The following FRY variants were observed in gnomAD, a reference collection of about 807,000 sequenced individuals.
FRY encodes the protein protein furry homolog.
FRY carries 128 observed loss-of-function variants against 348.4 expected under a neutral mutation model. The observed-to-expected ratio is 0.37, with a 90% confidence interval of 0.32 to 0.43. The LOEUF is 0.43. Among genes scored for constraint, FRY ranks in the 20% least tolerant of loss-of-function variants. The pLI, the probability that FRY is intolerant of heterozygous loss-of-function variation, is 1.00. For missense variants in FRY, 2,736 were observed against 3,695.2 expected (o/e 0.74, Z 6.73); for synonymous variants, 1,370 against 1,374.7 (o/e 1.00, Z 0.08).
At chr13:32,236,240 C>T in intron 43 of FRY, 68 bp downstream of exon 43, 1 of 1,174,972 alleles carries the variant, frequency 8.5e-7, no homozygotes, top group South Asian at 1.2e-5. Context: ...AGATGCTGGA[C>T]TTTAGGAAAA....
At chr13:32,135,238 C>A (rs1593653267) in intron 10 of FRY, 55 bp downstream of exon 10, 3 of 1,064,804 alleles carry the variant, frequency 2.8e-6, no homozygotes, top group Non-Finnish European at 4.4e-6. Context: ...GACTAAAATT[C>A]CTAGACAGGA....
intron 51 of FRY, among the ~76,000 whole-genome samples, chr13:32,255,433 T>A (rs1015528146): frequency 1.3e-5 from 2 of 152,234 alleles, no homozygotes; most frequent in Non-Finnish European, 2.9e-5. Flanking sequence ...CTATGTCTAA[T>A]TGAAGCCAAA....
At chr13:32,174,986 A>G (rs972318563) in intron 19 of FRY, among the ~76,000 whole-genome samples, 48 of 152,210 alleles carry the variant, frequency 3.2e-4, no homozygotes, top group African/African-American at 1.2e-3. Flanking sequence ...TTATTCACAT[A>G]GAATTTTCAC....
At chr13:32,220,406 C>T (rs980613802) in intron 36 of FRY, among the ~76,000 whole-genome samples, 2 of 152,236 alleles carry the variant, frequency 1.3e-5, no homozygotes, top group South Asian at 2.1e-4. Context: ...AAAACCTTCA[C>T]TAGAGCTGTC....
chr13:32,145,537 T>TTG (rs1555257811), intron 11 of FRY, among the ~76,000 whole-genome samples: 2,606 of 135,708 alleles, frequency 0.019, 108 homozygotes, highest in South Asian at 0.038. Context: ...TTTTTTTTTT[T>TTG]TTTTTTTTTT....
chr13:32,080,099 C>T (rs1355122934), intron 2 of FRY, among the ~76,000 whole-genome samples: 1 of 152,156 alleles, frequency 6.6e-6, no homozygotes, highest in Non-Finnish European at 1.5e-5. Context: ...ACAAACTTTG[C>T]ACATTAAAAT....
chr13:32,100,677 A>G (rs1034927544), intron 2 of FRY, among the ~76,000 whole-genome samples: 5 of 152,210 alleles, frequency 3.3e-5, no homozygotes, highest in African/African-American at 1.2e-4. Context: ...ATCTTAGTCC[A>G]TTCAGGCTGC....
chr13:32,256,053 G>A (rs1887318313), intron 51 of FRY, among the ~76,000 whole-genome samples: 1 of 152,086 alleles, frequency 6.6e-6, no homozygotes, highest in Non-Finnish European at 1.5e-5. Flanking sequence ...CACAAATTTA[G>A]TTTCTATCAA....
chr13:32,262,645 T>G (rs1887719318), intron 53 of FRY, among the ~76,000 whole-genome samples, 170 bp downstream of exon 53: 1 of 152,216 alleles, frequency 6.6e-6, no homozygotes, highest in African/African-American at 2.4e-5. Flanking sequence ...GCCTATGTTT[T>G]GAAGTTGTTT....
intron 11 of FRY, among the ~76,000 whole-genome samples, chr13:32,139,278 C>A (rs910122582): frequency 5.9e-5 from 9 of 152,116 alleles, no homozygotes; most frequent in African/African-American, 2.2e-4. Flanking sequence ...GGATTTAGAG[C>A]CAATTCTACC....
intron 1 of FRY, among the ~76,000 whole-genome samples, chr13:32,066,455 T>A (rs897164921): frequency 4.6e-5 from 7 of 152,296 alleles, no homozygotes; most frequent in South Asian, 2.1e-4. Context: ...TCCCTAACAG[T>A]TTTCAGTGTG....
intron 1 of FRY, among the ~76,000 whole-genome samples, chr13:32,037,699 A>T (rs1308856842): frequency 6.6e-6 from 1 of 152,258 alleles, no homozygotes; most frequent in East Asian, 1.9e-4. Flanking sequence ...AGAGGTTTCA[A>T]CTGATATAAC....
intron 11 of FRY, among the ~76,000 whole-genome samples, chr13:32,146,791 C>A (rs1168082833): frequency 6.6e-6 from 1 of 152,140 alleles, no homozygotes. Context: ...AAAGGATTAT[C>A]TTTTATCTCT....
At chr13:32,268,684 G>T (rs1044925411) in intron 55 of FRY, among the ~76,000 whole-genome samples, 1 of 150,318 alleles carries the variant, frequency 6.7e-6, no homozygotes, top group South Asian at 2.1e-4. Flanking sequence ...TATTTTTTGG[G>T]GGGGTGGGGA....
chr13:32,275,220 T>TAAA, intron 56 of FRY: 2 of 162,408 alleles, frequency 1.2e-5, no homozygotes, highest in Admixed American at 7.9e-5. Context: ...CTATTAAAAA[T>TAAA]ACAAAAAAAA....
chr13:32,264,949 G>A (rs1887843058), intron 53 of FRY, among the ~76,000 whole-genome samples: 1 of 152,182 alleles, frequency 6.6e-6, no homozygotes. Context: ...TTGGTAAAGG[G>A]GTTCTATGTT....
At chr13:32,053,142 C>T (rs990955208) in intron 1 of FRY, among the ~76,000 whole-genome samples, 5 of 151,958 alleles carry the variant, frequency 3.3e-5, no homozygotes, top group Admixed American at 1.3e-4. Flanking sequence ...TCCTTAGTAA[C>T]ACTGACCACA....
At chr13:32,243,981 CG>C (rs768420206) in intron 46 of FRY, 60 bp from the exon 47 acceptor site, 6 of 1,577,102 alleles carry the variant, frequency 3.8e-6, no homozygotes, top group Non-Finnish European at 4.3e-6. Context: ...TTGGAAAACA[CG>C]GGTCCTTCCA....
intron 1 of FRY, among the ~76,000 whole-genome samples, chr13:32,073,544 G>GGTGTGTGT (rs35631279): frequency 6.7e-6 from 1 of 148,518 alleles, no homozygotes; most frequent in African/African-American, 2.5e-5. Flanking sequence ...TATGTGGGCG[G>GGTGTGTGT]GTGTGTGTGT....
Sources: gnomAD v4.1 joint callset for allele counts (sites outside exome capture counted in the v4.1 genomes callset) on GRCh38, gnomAD v4.1.1 for gene constraint, MANE v1.5 for transcripts, NCBI Gene and HGNC (gene_info 2026-07-23, HGNC 2026-07-21) for gene names.